The following PLEKHG1 variants were observed in gnomAD, a reference collection of about 807,000 sequenced individuals.
PLEKHG1 encodes pleckstrin homology domain-containing family G member 1.
A neutral mutation model predicts 100.8 loss-of-function variants in PLEKHG1; 44 were observed. That is an observed-to-expected ratio of 0.44 (90% confidence interval 0.34 to 0.56). The LOEUF is 0.56. Among genes scored for constraint, PLEKHG1 ranks in the 20% least tolerant of loss-of-function variants. The pLI is 0.01. For synonymous variants in PLEKHG1, 640 were observed against 662.5 expected, an observed-to-expected ratio of 0.97 and a Z score of 0.52; for missense variants, 1,545 against 1,720.9, an observed-to-expected ratio of 0.90 and a Z score of 1.81.
At chr6:150,821,228 C>G (rs1266504687) in exon 13 of PLEKHG1, 1 of 1,608,358 alleles carries the variant, frequency 6.2e-7, no homozygotes, top group Admixed American at 1.7e-5. Context: ...GTTTTGAAGA[C>G]CAGTGGTAAG....
intron 2 of PLEKHG1, among the ~76,000 whole-genome samples, chr6:150,645,629 T>A (rs904945830): frequency 4.6e-5 from 7 of 152,210 alleles, no homozygotes; most frequent in African/African-American, 1.7e-4. Context: ...GAAACATAGA[T>A]GCATATGAAA....
At chr6:150,757,575 G>A (rs1279701867) in intron 2 of PLEKHG1, among the ~76,000 whole-genome samples, 1 of 152,066 alleles carries the variant, frequency 6.6e-6, no homozygotes, top group Non-Finnish European at 1.5e-5. Flanking sequence ...GTGTGTGTGT[G>A]TGTGTATGTG....
chr6:150,658,156 A>G (rs1779042135), intron 3 of PLEKHG1, among the ~76,000 whole-genome samples: 2 of 152,096 alleles, frequency 1.3e-5, no homozygotes, highest in African/African-American at 4.8e-5. Context: ...TGCATTGTCC[A>G]GGGTAGGCAT....
chr6:150,690,133 T>A (rs1780292282), intron 3 of PLEKHG1, among the ~76,000 whole-genome samples: 1 of 152,002 alleles, frequency 6.6e-6, no homozygotes, highest in African/African-American at 2.4e-5. Context: ...GTGATGGGAG[T>A]CTCCTGGCTG....
intron 3 of PLEKHG1, among the ~76,000 whole-genome samples, chr6:150,690,464 A>G (rs764843221): frequency 1.1e-4 from 16 of 152,184 alleles, no homozygotes; most frequent in Non-Finnish European, 2.2e-4. Flanking sequence ...AGGAAACGGA[A>G]CATAGAGGTT....
intron 3 of PLEKHG1, among the ~76,000 whole-genome samples, chr6:150,664,801 C>T (rs1222836132): frequency 6.6e-6 from 1 of 152,166 alleles, no homozygotes; most frequent in Non-Finnish European, 1.5e-5. Context: ...GGGATACGTG[C>T]AAGAATCATA....
rs9383850 is a variant in PLEKHG1 at position 150,808,417 on chromosome 6, A to G, written c.913-688A>G. ...AAAGTCTTCAAGTCAACAGCTCTGA[A>G]GGAGTTTTTTTTTTTCCCAGAGAGG... On this transcript the variant is annotated intron_variant, in intron 7 of 15. Coordinates refer to ENST00000358517, the Ensembl canonical transcript of PLEKHG1. 3.6e-3 allele frequency among the ~76,000 whole-genome samples: 421 copies of G among 116,234 alleles called. 1 individual carries two copies. Among genetic ancestry groups the G allele is most frequent in the African/African-American group, 0.011 (326 of 28,866 alleles). 76.3% of individuals were successfully genotyped at this position (116,234 alleles called of 152,430 possible).
intron 3 of PLEKHG1, among the ~76,000 whole-genome samples, chr6:150,781,675 A>G (rs1785319474): frequency 6.6e-6 from 1 of 152,180 alleles, no homozygotes; most frequent in Non-Finnish European, 1.5e-5. Flanking sequence ...TATAAATATC[A>G]GAACTATATT....
At chr6:150,799,601 A>G (rs574312306) in intron 5 of PLEKHG1, among the ~76,000 whole-genome samples, 2 of 152,358 alleles carry the variant, frequency 1.3e-5, no homozygotes, top group African/African-American at 4.8e-5. Context: ...TTCTGACTCT[A>G]AAGAACCTTA....
intron 2 of PLEKHG1, among the ~76,000 whole-genome samples, chr6:150,738,004 G>T (rs1782665047): frequency 6.6e-6 from 1 of 150,898 alleles, no homozygotes; most frequent in Non-Finnish European, 1.5e-5. Context: ...TGTAGAGACA[G>T]GATCTCAATA....
chr6:150,664,418 A>G (rs1359517337), intron 3 of PLEKHG1: 1 of 152,216 alleles, frequency 6.6e-6, no homozygotes, highest in Non-Finnish European at 1.5e-5. Context: ...GGAAGTGGTT[A>G]CCTTGGGGAG....
At chr6:150,749,811 T>C (rs1237863594) in intron 2 of PLEKHG1, among the ~76,000 whole-genome samples, 2 of 152,208 alleles carry the variant, frequency 1.3e-5, no homozygotes, top group African/African-American at 2.4e-5. Flanking sequence ...CGGTGGCTCA[T>C]GCCTGTAATC....
intron 7 of PLEKHG1, among the ~76,000 whole-genome samples, chr6:150,805,478 A>G (rs1289887691): frequency 6.6e-6 from 1 of 151,418 alleles, no homozygotes; most frequent in Admixed American, 6.6e-5. Context: ...AGGCTGAACC[A>G]GCTCCTTTAC....
At chr6:150,764,646 C>T (rs1354688978) in intron 2 of PLEKHG1, among the ~76,000 whole-genome samples, 1 of 152,168 alleles carries the variant, frequency 6.6e-6, no homozygotes, top group East Asian at 1.9e-4. Context: ...TAGCCCTTTT[C>T]AACTCCTTTT....
chr6:150,834,352 A>G (rs1314439180), intron 15 of PLEKHG1, among the ~76,000 whole-genome samples: 1 of 152,154 alleles, frequency 6.6e-6, no homozygotes, highest in Non-Finnish European at 1.5e-5. Context: ...AAACAGTTGT[A>G]TATTGGCAAT....
chr6:150,753,170 T>C (rs913246589), intron 2 of PLEKHG1, among the ~76,000 whole-genome samples: 2 of 152,006 alleles, frequency 1.3e-5, no homozygotes, highest in African/African-American at 4.8e-5. Flanking sequence ...ATAAATTAAT[T>C]CCTAATGACC....
At chr6:150,697,274 A>G (rs1269141865) in intron 3 of PLEKHG1, among the ~76,000 whole-genome samples, 2 of 152,214 alleles carry the variant, frequency 1.3e-5, no homozygotes, top group Non-Finnish European at 1.5e-5. Context: ...ATAAAATGGT[A>G]AAGTTTCCAC....
chr6:150,837,084 C>T (rs1338897334), intron 15 of PLEKHG1, among the ~76,000 whole-genome samples: 2 of 152,220 alleles, frequency 1.3e-5, no homozygotes, highest in East Asian at 1.9e-4. Context: ...ATCACTTGAA[C>T]CCAGGAGGTA....
At chr6:150,722,563 A>G (rs1005693028) in intron 1 of PLEKHG1, among the ~76,000 whole-genome samples, 1 of 152,004 alleles carries the variant, frequency 6.6e-6, no homozygotes, top group Non-Finnish European at 1.5e-5. Context: ...CATGTTAGCC[A>G]GGCTGGTCTC....
Sources: gnomAD v4.1 joint callset for allele counts (sites outside exome capture counted in the v4.1 genomes callset) on GRCh38, gnomAD v4.1.1 for gene constraint, MANE v1.5 for transcripts, NCBI Gene and HGNC (gene_info 2026-07-23, HGNC 2026-07-21) for gene names.